ADGRL2: variants seen among roughly 807,000 people sequenced by gnomAD.
The protein encoded by ADGRL2 is calcium-independent alpha-latrotoxin receptor 2.
ADGRL2 carries 44 observed loss-of-function variants against 157.4 expected under a neutral mutation model. The ratio of observed to expected loss-of-function variants is 0.28; its 90% CI spans 0.22 to 0.36. The LOEUF is 0.36. Among genes scored for constraint, ADGRL2 ranks in the 10% least tolerant of loss-of-function variants. The pLI, the probability that ADGRL2 is intolerant of heterozygous loss-of-function variation, is 1.00. For missense variants in ADGRL2, 1,510 were observed against 1,768.9 expected (o/e 0.85, Z 2.63); for synonymous variants, 585 against 624.7 (o/e 0.94, Z 0.95).
At chr1:81,703,373 G>A (rs764893585) in intron 1 of ADGRL2, among the ~76,000 whole-genome samples, 1 of 152,184 alleles carries the variant, frequency 6.6e-6, no homozygotes, top group Non-Finnish European at 1.5e-5. Context: ...AATGGAACAG[G>A]AGTTGGGGAG....
chr1:81,551,518 A>T (rs2080146006), intron 2 of ADGRL2, among the ~76,000 whole-genome samples: 1 of 152,216 alleles, frequency 6.6e-6, no homozygotes, highest in African/African-American at 2.4e-5. Context: ...TGCAAAATCT[A>T]ATATGCTATT....
At chr1:81,968,961 C>G (rs897631340) in intron 14 of ADGRL2, among the ~76,000 whole-genome samples, 4 of 152,094 alleles carry the variant, frequency 2.6e-5, no homozygotes, top group Non-Finnish European at 5.9e-5. Context: ...AAATCTTCCT[C>G]TCTCATAGAT....
chr1:81,488,746 C>A (rs2078563990), intron 2 of ADGRL2, among the ~76,000 whole-genome samples: 1 of 151,652 alleles, frequency 6.6e-6, no homozygotes, highest in Admixed American at 6.6e-5. Flanking sequence ...ATTAAAAAAA[C>A]CATGAGTCGT....
At chr1:81,869,569 A>G (rs2093637602) in intron 2 of ADGRL2, among the ~76,000 whole-genome samples, 1 of 152,086 alleles carries the variant, frequency 6.6e-6, no homozygotes, top group Non-Finnish European at 1.5e-5. Context: ...CATGATAGGA[A>G]AGTACTAATA....
At chr1:81,681,740 G>A (rs989245271) in intron 3 of ADGRL2, among the ~76,000 whole-genome samples, 3 of 152,210 alleles carry the variant, frequency 2.0e-5, no homozygotes, top group East Asian at 3.9e-4. Flanking sequence ...GCATAGCACC[G>A]CAACAGCAGC....
intron 17 of ADGRL2, among the ~76,000 whole-genome samples, chr1:81,975,409 C>A (rs1447372750): frequency 6.6e-6 from 1 of 151,976 alleles, no homozygotes; most frequent in East Asian, 1.9e-4. Flanking sequence ...AAAGAAAAAA[C>A]AAAGAGCAAG....
chr1:81,778,180 A>G (rs2086664706), intron 2 of ADGRL2, among the ~76,000 whole-genome samples: 2 of 148,698 alleles, frequency 1.3e-5, no homozygotes, highest in South Asian at 2.2e-4. Context: ...AAATTAGCCA[A>G]GCATGGTGGC....
At chr1:81,969,727 G>C (rs1215697012) in intron 15 of ADGRL2, among the ~76,000 whole-genome samples, 1 of 151,864 alleles carries the variant, frequency 6.6e-6, no homozygotes, top group Non-Finnish European at 1.5e-5. Context: ...TCCTTTCTTT[G>C]TATTCATAGC....
chr1:81,531,514 G>A (rs2079598419), intron 2 of ADGRL2, among the ~76,000 whole-genome samples: 1 of 152,140 alleles, frequency 6.6e-6, no homozygotes, highest in Admixed American at 6.6e-5. Flanking sequence ...AATAAATAAT[G>A]TATTCATCTT....
Position 81,969,365 on chromosome 1 carries a change from G to A in ADGRL2, c.2711G>A (p.Gly904Asp), listed in dbSNP as rs778847227. 2 of 1,613,360 alleles carry A rather than the reference G, an allele frequency of 1.2e-6. No homozygotes were observed. The highest frequency in any genetic ancestry group is 1.7e-5 in the Admixed American group (1 of 59,998). The stretch of plus-strand genomic sequence containing the variant: ...ATTGCTGAATTTATTTTCCTAATAG[G>A]CATTGATAAGACAAAATATGCGGTA... Reference protein sequence around the residue: ...LFIAEFIFLIGIDKTKYAIAC... With the variant: ...LFIAEFIFLIDIDKTKYAIAC... Residue 904 changes from glycine (G) to aspartate (D), a missense_variant, in exon 15 of 24, where the codon GGC (glycine) becomes GAC (aspartate). Physicochemically the swap from Gly to Asp is moderately conservative, Grantham distance 94. Transcript: ENST00000686636.
At chr1:81,490,785 G>T (rs2078615208) in intron 2 of ADGRL2, among the ~76,000 whole-genome samples, 1 of 152,154 alleles carries the variant, frequency 6.6e-6, no homozygotes, top group African/African-American at 2.4e-5. Context: ...TTAGTCCTAA[G>T]CATATCCTTT....
At chr1:81,754,938 C>T (rs941899335) in intron 1 of ADGRL2, among the ~76,000 whole-genome samples, 2 of 151,706 alleles carry the variant, frequency 1.3e-5, no homozygotes, top group African/African-American at 4.8e-5. Flanking sequence ...ACACTAATTG[C>T]TAGCCATTGT....
At chr1:81,649,656 G>T (rs968013888) in intron 3 of ADGRL2, among the ~76,000 whole-genome samples, 13 of 152,270 alleles carry the variant, frequency 8.5e-5, no homozygotes, top group South Asian at 2.1e-4. Flanking sequence ...TCTGGACTTT[G>T]TGCTAAATAC....
At chr1:81,527,022 G>C (rs1162582467) in intron 2 of ADGRL2, among the ~76,000 whole-genome samples, 1 of 152,124 alleles carries the variant, frequency 6.6e-6, no homozygotes, top group Admixed American at 6.6e-5. Flanking sequence ...AAATCAAAAT[G>C]ATCTTTAAAT....
Position 81,501,687 on chromosome 1 carries a change from G to T in ADGRL2, c.-248+56598G>T, listed in dbSNP as rs1250528359. 3.3e-5 allele frequency: 52 copies of T among 1,573,048 alleles called. No homozygotes were observed. In the South Asian group the frequency reaches 6.0e-4, roughly 18 times the overall value. On this transcript the variant is annotated intron_variant, in intron 2 of 24. Coordinates refer to the ADGRL2 transcript ENST00000370721. ...GCCACCCGAAAACCCGGAGTGCCCC[G>T]CACAGGTTTAGACCCAGTGTGCCTG... is the stretch of plus-strand genomic sequence containing the variant.
At chr1:81,511,449 A>G (rs1021332877) in intron 2 of ADGRL2, among the ~76,000 whole-genome samples, 33 of 151,142 alleles carry the variant, frequency 2.2e-4, no homozygotes, top group African/African-American at 7.5e-4. Flanking sequence ...AGAAAACACC[A>G]ACACCAAAGG....
At chr1:81,350,713 C>T (rs1282215759) in intron 1 of ADGRL2, among the ~76,000 whole-genome samples, 3 of 152,082 alleles carry the variant, frequency 2.0e-5, no homozygotes, top group Non-Finnish European at 2.9e-5. Flanking sequence ...AGATTTTATG[C>T]CTCACATTAT....
At chr1:81,637,454 C>T (rs571533000) in intron 3 of ADGRL2, among the ~76,000 whole-genome samples, 1 of 152,174 alleles carries the variant, frequency 6.6e-6, no homozygotes, top group South Asian at 2.1e-4. Flanking sequence ...TTCCACTTAG[C>T]ACAGCTGAAA....
intron 2 of ADGRL2, among the ~76,000 whole-genome samples, chr1:81,515,617 C>T (rs1044694584): frequency 6.6e-6 from 1 of 151,872 alleles, no homozygotes; most frequent in African/African-American, 2.4e-5. Context: ...GTGTTTCTTC[C>T]CTTAGAACAA....
Sources: gnomAD v4.1 joint callset for allele counts (sites outside exome capture counted in the v4.1 genomes callset) on GRCh38, gnomAD v4.1.1 for gene constraint, MANE v1.5 for transcripts, NCBI Gene and HGNC (gene_info 2026-07-23, HGNC 2026-07-21) for gene names.